The following RP1 variants were observed in gnomAD, a reference collection of about 807,000 sequenced individuals.
The protein encoded by RP1 is RP1 axonemal microtubule associated, also known as oxygen-regulated protein 1.
Under a neutral mutation model 14.8 loss-of-function variants are expected in RP1, and 16 were observed. The ratio of observed to expected loss-of-function variants is 1.08; its 90% confidence interval spans 0.73 to 1.65. RP1 has a LOEUF of 1.65. Among genes scored for constraint, RP1 ranks in the 40% most tolerant of loss-of-function variants. RP1 has a pLI of 0.00. For synonymous variants in RP1, 876 were observed against 883.6 expected (o/e 0.99, Z 0.15); for missense variants, 2,631 against 2,535.0 (o/e 1.04, Z -0.81).
chr8:54,581,467 C>T (rs568379540), intron 1 of RP1, among the ~76,000 whole-genome samples: 128 of 152,266 alleles, frequency 8.4e-4, no homozygotes, highest in African/African-American at 2.7e-3. Context: ...AATAAACATA[C>T]GTGTGCATGT....
At chr8:54,729,169 G>A (rs554290007) in intron 17 of RP1, among the ~76,000 whole-genome samples, 16 of 152,188 alleles carry the variant, frequency 1.1e-4, no homozygotes, top group African/African-American at 1.2e-4. Flanking sequence ...ATATCTTTCC[G>A]GCAACTACCT....
At chr8:54,721,424 A>C (rs1042642732) in intron 16 of RP1, among the ~76,000 whole-genome samples, 2 of 152,238 alleles carry the variant, frequency 1.3e-5, no homozygotes, top group Non-Finnish European at 2.9e-5. Context: ...AATAGCTAGC[A>C]GGGGTCAGCT....
At chr8:54,768,658 A>G (rs963377648) in intron 22 of RP1, among the ~76,000 whole-genome samples, 4 of 152,216 alleles carry the variant, frequency 2.6e-5, no homozygotes, top group African/African-American at 7.2e-5. Flanking sequence ...CAGCTTCACA[A>G]CACTGCTATG....
At chr8:54,562,819 A>G (rs1804317658) in intron 1 of RP1, among the ~76,000 whole-genome samples, 2 of 152,248 alleles carry the variant, frequency 1.3e-5, no homozygotes, top group African/African-American at 4.8e-5. Context: ...CTTCTTTCAC[A>G]TAGAAGAGCA....
chr8:54,600,249 T>A (rs1015106572), intron 1 of RP1, among the ~76,000 whole-genome samples: 1 of 152,180 alleles, frequency 6.6e-6, no homozygotes, highest in Admixed American at 6.5e-5. Context: ...TTGCCTGCCA[T>A]AATGTAAGAA....
intron 24 of RP1, among the ~76,000 whole-genome samples, chr8:54,822,168 T>G (rs546893758): frequency 6.6e-6 from 1 of 152,338 alleles, no homozygotes; most frequent in African/African-American, 2.4e-5. Context: ...GTTTAATTAT[T>G]TATTAGTTTT....
At chr8:54,754,595 G>T (rs1229483073) in intron 19 of RP1, among the ~76,000 whole-genome samples, 1 of 152,154 alleles carries the variant, frequency 6.6e-6, no homozygotes, top group Non-Finnish European at 1.5e-5. Flanking sequence ...TGGTGCAAAA[G>T]TAATTGTGGT....
chr8:54,628,735 C>A lies in RP1; in HGVS notation c.4853C>A (p.Thr1618Asn). ...SDDPNDSGEL[T>N]QEKEYNIGFV... The stretch of plus-strand genomic sequence containing the variant: ...GATCCCAATGACAGTGGCGAACTTA[C>A]CCAAGAGAAAGAATATAACATAGGA... The change falls in exon 4 of 4, where the codon ACC becomes AAC. Residue 1618 changes from threonine to asparagine, a missense_variant. Transcript: ENST00000220676. The A allele has an allele frequency of 1.9e-6, 3 of 1,613,992 alleles. No homozygotes were observed. The highest frequency in any genetic ancestry group is 2.5e-6 in the Non-Finnish European group (3 of 1,179,970).
intron 24 of RP1, among the ~76,000 whole-genome samples, chr8:54,802,388 A>G (rs923539900): frequency 6.6e-6 from 1 of 152,230 alleles, no homozygotes; most frequent in Non-Finnish European, 1.5e-5. Context: ...ATGGCATTCA[A>G]TAGAAAATGT....
chr8:54,853,545 A>T (rs866150657), intron 26 of RP1, among the ~76,000 whole-genome samples: 1 of 152,206 alleles, frequency 6.6e-6, no homozygotes, highest in Admixed American at 6.5e-5. Context: ...CATCTCTGCC[A>T]TTGTGGTTAC....
chr8:54,849,959 C>T (rs1004774574), intron 25 of RP1, among the ~76,000 whole-genome samples: 6 of 152,106 alleles, frequency 3.9e-5, no homozygotes, highest in Non-Finnish European at 8.8e-5. Context: ...AATTGGGTGA[C>T]AATTGTGGCA....
At chr8:54,600,662 G>C (rs941699779) in intron 1 of RP1, among the ~76,000 whole-genome samples, 2 of 152,098 alleles carry the variant, frequency 1.3e-5, no homozygotes, top group African/African-American at 4.8e-5. Context: ...ACAGGTCGAG[G>C]CTTCCCAAGG....
intron 24 of RP1, among the ~76,000 whole-genome samples, chr8:54,796,169 G>A (rs553729236): frequency 1.2e-4 from 18 of 152,254 alleles, no homozygotes; most frequent in African/African-American, 4.3e-4. Context: ...GACCACCTGT[G>A]TGTTTGTGGG....
chr8:54,611,194 A>G (rs1325386972), upstream of RP1, among the ~76,000 whole-genome samples: 3 of 152,142 alleles, frequency 2.0e-5, no homozygotes, highest in Admixed American at 2.0e-4. Context: ...AGTTCATCCT[A>G]CGTGTAGTTC....
intron 27 of RP1, among the ~76,000 whole-genome samples, chr8:54,861,246 C>G (rs981872825): frequency 6.6e-6 from 1 of 152,132 alleles, no homozygotes; most frequent in Non-Finnish European, 1.5e-5. Flanking sequence ...CCTGTGTTCA[C>G]CTCTCCCACA....
intron 6 of RP1, among the ~76,000 whole-genome samples, chr8:54,658,550 C>CAAAA (rs755052184): frequency 7.3e-5 from 6 of 81,732 alleles, no homozygotes; most frequent in Non-Finnish European, 6.5e-5. Context: ...GACTCCGTCT[C>CAAAA]AAAAAAAAAA....
chr8:54,813,822 A>G (rs776702414), intron 24 of RP1, among the ~76,000 whole-genome samples: 1 of 152,170 alleles, frequency 6.6e-6, no homozygotes, highest in Non-Finnish European at 1.5e-5. Flanking sequence ...TTGTTTTCCT[A>G]TGTGGATCAG....
At chr8:54,615,068 T>G (rs1016106622), upstream of RP1, among the ~76,000 whole-genome samples, 7 of 152,248 alleles carry the variant, frequency 4.6e-5, no homozygotes, top group African/African-American at 1.7e-4. Flanking sequence ...ATTTCCTTAC[T>G]GATTTAATAG....
At chr8:54,581,590 C>T (rs1804792819) in intron 1 of RP1, among the ~76,000 whole-genome samples, 1 of 152,160 alleles carries the variant, frequency 6.6e-6, no homozygotes, top group Non-Finnish European at 1.5e-5. Context: ...CACTGACTTC[C>T]ACAATGGTGG....
Sources: gnomAD v4.1 joint callset for allele counts (sites outside exome capture counted in the v4.1 genomes callset) on GRCh38, gnomAD v4.1.1 for gene constraint, MANE v1.5 for transcripts, NCBI Gene and HGNC (gene_info 2026-07-23, HGNC 2026-07-21) for gene names.